Variants in UBN2 observed in about 807,000 individuals in gnomAD.
UBN2 encodes the protein ubinuclein-2.
In UBN2, 35 loss-of-function variants were observed where a neutral mutation model predicts 120.2. That is an observed-to-expected ratio of 0.29 (90% confidence interval 0.22 to 0.39). The LOEUF is 0.39. Among genes scored for constraint, UBN2 ranks in the 10% least tolerant of loss-of-function variants. The pLI is 1.00. For synonymous variants in UBN2, 661 were observed against 648.7 expected, an observed-to-expected ratio of 1.02 and a Z score of -0.29; for missense variants, 1,693 against 1,663.2, an observed-to-expected ratio of 1.02 and a Z score of -0.31.
chr7:139,315,572 G>A, the UBN2 span, among the ~76,000 whole-genome samples: 2,472 of 152,078 alleles, frequency 0.016, 59 homozygotes, highest in African/African-American at 0.056. Flanking sequence ...CCACTTTTTA[G>A]CAATTATGAA....
chr7:139,276,670 C>T (rs1797451918), intron 12 of UBN2: 1 of 154,276 alleles, frequency 6.5e-6, no homozygotes, highest in Non-Finnish European at 1.4e-5. Context: ...CAAGTTTTTT[C>T]TGTGGTCACC....
chr7:139,295,296 G>A (rs1032689426), intron 17 of UBN2, among the ~76,000 whole-genome samples: 1 of 152,140 alleles, frequency 6.6e-6, no homozygotes, highest in African/African-American at 2.4e-5. Context: ...ACACAGAGTC[G>A]TGGCACAAAT....
chr7:139,247,625 A>G (rs1796506049), intron 2 of UBN2, among the ~76,000 whole-genome samples: 2 of 152,312 alleles, frequency 1.3e-5, no homozygotes, highest in African/African-American at 4.8e-5. Flanking sequence ...TGTACTTAGT[A>G]TAGGATCTGA....
the UBN2 span, among the ~76,000 whole-genome samples, chr7:139,325,261 C>CTTTCTT: frequency 2.2e-5 from 2 of 90,850 alleles, no homozygotes; most frequent in African/African-American, 4.6e-5. Flanking sequence ...GAAATCACTG[C>CTTTCTT]TTTTTTTTTT....
the UBN2 span, among the ~76,000 whole-genome samples, chr7:139,324,973 A>G: frequency 6.6e-6 from 1 of 152,304 alleles, no homozygotes; most frequent in South Asian, 2.1e-4. Context: ...CCATCTCAAA[A>G]AAAAAAATAA....
At chr7:139,262,309 A>C (rs1372549633) in intron 6 of UBN2, among the ~76,000 whole-genome samples, 1 of 151,884 alleles carries the variant, frequency 6.6e-6, no homozygotes, top group Non-Finnish European at 1.5e-5. Flanking sequence ...TATGTTGGCC[A>C]GGCTGGTCTT....
the UBN2 span, among the ~76,000 whole-genome samples, chr7:139,323,386 T>TC: frequency 3.7e-4 from 56 of 152,106 alleles, no homozygotes; most frequent in Non-Finnish European, 7.2e-4. Context: ...TGCTGACCTC[T>TC]CCTTTGATGA....
intron 1 of UBN2, among the ~76,000 whole-genome samples, chr7:139,232,861 G>A (rs139636743): frequency 1.1e-3 from 162 of 152,304 alleles, no homozygotes; most frequent in Middle Eastern, 3.4e-3. Context: ...AAGGATAGGG[G>A]TTATGTTCGT....
chr7:139,301,934 A>G lies in UBN2; in HGVS notation c.*4098A>G, dbSNP rs1798268208. On this transcript the variant is annotated 3_prime_UTR_variant, in exon 18 of 18. Transcript: ENST00000473989. ...TGAAGCAGAAGAAAAGTGCAGTAGT[A>G]GATAAATGATCACAACATGTTATGC... 3 of 152,324 alleles carry G rather than the reference A, an allele frequency of 2.0e-5. No individual in the cohort carries two copies. The South Asian group carries it at 6.2e-4, about 32-fold the overall frequency. The allele number at this position is 152,324 out of a possible 1,614,324, so 9.4% of individuals were successfully genotyped here.
rs537392662 is a variant in UBN2 at position 139,261,138 on chromosome 7, A to T, written c.906-114A>T. 6.3e-6 allele frequency: 8 copies of T among 1,269,236 alleles called. No homozygotes were observed. The African/African-American group carries it at 1.0e-4, about 17-fold the overall frequency. 78.6% of individuals were successfully genotyped at this position (1,269,236 alleles called of 1,614,324 possible). On this transcript the variant is annotated intron_variant, in intron 5 of 17. Coordinates refer to ENST00000473989, the MANE Select transcript of UBN2 (RefSeq NM_173569.4). ...TAGTATAAGTTAATAAGAAATTAAG[A>T]AAACTGCTCTGTCACCTGTCAAATT...
In UBN2 at chr7:139,306,390, C is replaced by T. The variant is rs1030158627; in HGVS notation, c.*8554C>T. 8.5e-5 allele frequency: 13 copies of T among 152,280 alleles called. No homozygotes were observed. Among genetic ancestry groups the T allele is most frequent in the African/African-American group, 3.1e-4 (13 of 41,556 alleles). 9.4% of individuals were successfully genotyped at this position (152,280 alleles called of 1,614,324 possible). A position where few individuals can be genotyped will look rare whatever the true frequency, so the allele number is the denominator to read the frequency against. ...ACCTGCAAAATTACCAAGGGTTACC[C>T]CAATATTGTCTAGAGGAATTAAAAA... On this transcript the variant is annotated 3_prime_UTR_variant, in exon 18 of 18. Coordinates refer to ENST00000473989, the MANE Select transcript of UBN2 (RefSeq NM_173569.4).
intron 13 of UBN2, among the ~76,000 whole-genome samples, chr7:139,281,752 A>G (rs1797618569): frequency 6.6e-6 from 1 of 152,140 alleles, no homozygotes; most frequent in African/African-American, 2.4e-5. Context: ...TACATTTCCT[A>G]CCCTTTATTG....
intron 1 of UBN2, 80 bp downstream of exon 1, chr7:139,232,032 G>C (rs976363510): frequency 5.6e-6 from 8 of 1,426,950 alleles, no homozygotes; most frequent in Middle Eastern, 2.3e-4. Context: ...TTGCACCTTG[G>C]GACGCCCACC....
chr7:139,327,910 C>CTGA, the UBN2 span, among the ~76,000 whole-genome samples: 2 of 152,310 alleles, frequency 1.3e-5, no homozygotes, highest in East Asian at 3.9e-4. Context: ...AGGAGAATAA[C>CTGA]TGATAGAATT....
At chr7:139,242,939 G>C (rs1411449396) in intron 2 of UBN2, among the ~76,000 whole-genome samples, 9 of 152,216 alleles carry the variant, frequency 5.9e-5, no homozygotes, top group Non-Finnish European at 1.2e-4. Flanking sequence ...AGGGAGTCTT[G>C]TGACGACAGG....
Position 139,283,389 on chromosome 7 carries a change from T to C in UBN2, c.2484T>C (p.His828=), listed in dbSNP as rs1409971913. ...PKKLDSTQTT[H]SSSLIAGHTG... ...AACTAGATTCTACTCAGACTACACA[T>C]TCTTCAAGTCTTATTGCTGGTCACA... The change falls in exon 15 of 18, where the codon CAT becomes CAC. Residue 828 remains histidine, a synonymous_variant. Transcript: ENST00000473989. The C allele has an allele frequency of 6.2e-7, 1 of 1,614,068 alleles. No homozygotes were observed. Among genetic ancestry groups the C allele is most frequent in the Non-Finnish European group, 8.5e-7 (1 of 1,180,008 alleles).
chr7:139,324,594 A>G, the UBN2 span, among the ~76,000 whole-genome samples: 2 of 150,490 alleles, frequency 1.3e-5, no homozygotes, highest in Non-Finnish European at 3.0e-5. Context: ...AACTTATGCT[A>G]TGAAGAGAGA....
chr7:139,264,054 T>C (rs888222205), intron 6 of UBN2, among the ~76,000 whole-genome samples: 1 of 152,208 alleles, frequency 6.6e-6, no homozygotes. Context: ...TTTGATACTT[T>C]TTATGACCTG....
the UBN2 span, among the ~76,000 whole-genome samples, chr7:139,314,774 G>A: frequency 2.0e-4 from 29 of 148,668 alleles, no homozygotes; most frequent in African/African-American, 7.2e-4. Context: ...CGTGAGCCAC[G>A]GTGCCCGGCC....
Sources: gnomAD v4.1 joint callset for allele counts (sites outside exome capture counted in the v4.1 genomes callset) on GRCh38, gnomAD v4.1.1 for gene constraint, MANE v1.5 for transcripts, NCBI Gene and HGNC (gene_info 2026-07-23, HGNC 2026-07-21) for gene names.